UBE3B: variants seen among roughly 807,000 people sequenced by gnomAD.
UBE3B encodes ubiquitin-protein ligase E3B.
In UBE3B, 80 loss-of-function variants were observed where a neutral mutation model predicts 132.3. The ratio of observed to expected loss-of-function variants is 0.60; its 90% CI spans 0.50 to 0.73. The LOEUF (loss-of-function observed/expected upper bound fraction) is 0.73, where lower values mean the gene tolerates loss of function less well. UBE3B is among the 30% of genes least tolerant of loss of function. UBE3B has a pLI of 0.00. For synonymous variants in UBE3B, 487 were observed against 520.4 expected, an observed-to-expected ratio of 0.94 and a Z score of 0.87; for missense variants, 1,196 against 1,362.5, an observed-to-expected ratio of 0.88 and a Z score of 1.92.
At position 109,522,747 on chromosome 12, in the gene UBE3B, C is replaced by T. The variant is rs1008078715; in HGVS notation, c.2364+1196C>T. ...CTGGCCATGATGGAATCAGGTGGCCCATCTGAGCCCCTGCCCAAACACCAT... is the reference window on the plus strand; with the variant it reads ...CTGGCCATGATGGAATCAGGTGGCCTATCTGAGCCCCTGCCCAAACACCAT... On this transcript the variant is annotated intron_variant, in intron 21 of 27. Transcript: ENST00000342494. This position sits in a 1 kb window ranked among gnomAD's most constrained non-coding sequence, Gnocchi z 4.2. Among the ~76,000 whole-genome samples the T allele has an allele frequency of 6.6e-6, 1 of 152,210 alleles. No individual in the cohort carries two copies. The highest frequency in any genetic ancestry group is 2.4e-5 in the African/African-American group (1 of 41,448).
chr12:109,510,102 T>G (rs1749991950), intron 16 of UBE3B, among the ~76,000 whole-genome samples: 1 of 152,202 alleles, frequency 6.6e-6, no homozygotes, highest in African/African-American at 2.4e-5. Context: ...TCCTTAGACT[T>G]AAAAGGCCCT....
chr12:109,483,478 G>T, intron 2 of UBE3B, 53 bp from the exon 3 acceptor site: 2 of 1,495,400 alleles, frequency 1.3e-6, no homozygotes, highest in East Asian at 2.3e-5. Context: ...CCCTTTCTGT[G>T]TGTGTTTTTC....
intron 26 of UBE3B, 117 bp from the exon 27 acceptor site, chr12:109,533,349 A>G: frequency 1.0e-6 from 1 of 953,216 alleles, no homozygotes; most frequent in Non-Finnish European, 1.7e-6. Context: ...ACGGCTGGCT[A>G]GACAGCAGTT....
intron 3 of UBE3B, 53 bp from the exon 4 acceptor site, chr12:109,483,808 A>G (rs1875897506): frequency 1.3e-6 from 2 of 1,593,504 alleles, no homozygotes; most frequent in African/African-American, 1.4e-5. Context: ...AAAGCCTTCC[A>G]GGTGCTACAA....
At chr12:109,532,135 AC>A (rs1882996227) in intron 26 of UBE3B, among the ~76,000 whole-genome samples, 1 of 151,846 alleles carries the variant, frequency 6.6e-6, no homozygotes, top group African/African-American at 2.4e-5. Context: ...CCTTTCACCC[AC>A]CTGAATTTGC....
chr12:109,494,174 CTGTT>C (rs1877863652), intron 9 of UBE3B, among the ~76,000 whole-genome samples: 1 of 152,134 alleles, frequency 6.6e-6, no homozygotes, highest in South Asian at 2.1e-4. Flanking sequence ...AGAAGTTAAA[CTGTT>C]TGCTCTTGGT....
chr12:109,529,464 T>A (rs1882724656), intron 24 of UBE3B, among the ~76,000 whole-genome samples: 1 of 152,228 alleles, frequency 6.6e-6, no homozygotes, highest in Non-Finnish European at 1.5e-5. Flanking sequence ...ACAATTTTTT[T>A]CTATTTTAAA....
At chr12:109,527,437 T>G (rs1882472458) in intron 24 of UBE3B, among the ~76,000 whole-genome samples, 1 of 151,352 alleles carries the variant, frequency 6.6e-6, no homozygotes, top group African/African-American at 2.5e-5. Flanking sequence ...TCAGTCTCTT[T>G]AGTGACAAGT....
intron 10 of UBE3B, 132 bp downstream of exon 10, chr12:109,498,055 G>T: frequency 7.7e-7 from 1 of 1,293,256 alleles, no homozygotes; most frequent in Non-Finnish European, 1.1e-6. Flanking sequence ...ACCAGTGGCC[G>T]TGATAGACAC....
Position 109,491,056 on chromosome 12 carries a change from C to T in UBE3B, c.642C>T (p.Thr214=), listed in dbSNP as rs756125877. 2 of 1,613,674 alleles carry T rather than the reference C, an allele frequency of 1.2e-6. No individual in the cohort carries two copies. The highest frequency in any genetic ancestry group is 2.2e-5 in the East Asian group (1 of 44,876). Residue 214 remains threonine, a synonymous_variant, in exon 9 of 28, where the codon ACC becomes ACT. Transcript: ENST00000342494. ...GFYSVLQILL[T]RGLARPRPCL... ...AACATTCTTTTCAGATATTGTTAAC[C>T]CGTGGCCTGGCAAGACCCCGTCCTT...
At chr12:109,526,245 C>A in intron 23 of UBE3B, 113 bp from the exon 24 acceptor site, 2 of 1,058,274 alleles carry the variant, frequency 1.9e-6, no homozygotes, top group Non-Finnish European at 2.9e-6. Context: ...CAAGCATGTG[C>A]CATCTTAATT....
intron 15 of UBE3B, 70 bp from the exon 16 acceptor site, chr12:109,509,526 G>A: frequency 1.1e-6 from 1 of 900,302 alleles, no homozygotes; most frequent in South Asian, 1.6e-5. Context: ...TGTCTAGTAA[G>A]CAGTACAGAT....
At chr12:109,493,002 C>T (rs1295179262) in intron 9 of UBE3B, among the ~76,000 whole-genome samples, 1 of 152,158 alleles carries the variant, frequency 6.6e-6, no homozygotes, top group African/African-American at 2.4e-5. Flanking sequence ...AGACCACATG[C>T]CTCTAGAGGC....
chr12:109,517,744 A>AG (rs1281464464), intron 19 of UBE3B, among the ~76,000 whole-genome samples: 1 of 152,156 alleles, frequency 6.6e-6, no homozygotes, highest in Non-Finnish European at 1.5e-5. Context: ...CTCCAGCTGC[A>AG]GTTCCCCATG....
rs1305890239 is a variant in UBE3B, at chr12:109,534,419, T to C, written c.3016-172T>C. On this transcript the variant is annotated intron_variant, in intron 27 of 27. Transcript: ENST00000342494. This position sits in a 1 kb window ranked among gnomAD's most constrained non-coding sequence, Gnocchi z 5.2. The stretch of plus-strand genomic sequence containing the variant: ...AAGGGGTTCCTTCTCTGGAAGCCAG[T>C]CGTCTTGTGTCTGGGGCTTGACCTC... 2.1e-6 allele frequency: 3 copies of C among 1,417,466 alleles called. No homozygotes were observed. The East Asian group carries it at 8.0e-5, about 38-fold the overall frequency. The allele number at this position is 1,417,466 out of a possible 1,614,324, so 87.8% of individuals were successfully genotyped here.
At chr12:109,491,012 T>C (rs1166255615) in intron 8 of UBE3B, 33 bp from the exon 9 acceptor site, 8 of 1,602,424 alleles carry the variant, frequency 5.0e-6, no homozygotes, top group Non-Finnish European at 6.8e-6. Context: ...AAAGTTGATA[T>C]CATCCTCTGA....
At chr12:109,519,293 A>T (rs1881422766) in intron 19 of UBE3B, among the ~76,000 whole-genome samples, 1 of 152,180 alleles carries the variant, frequency 6.6e-6, no homozygotes, top group African/African-American at 2.4e-5. Flanking sequence ...GATGCAGTGA[A>T]GAAGAGGAAC....
At chr12:109,526,709 G>A (rs965702336) in intron 24 of UBE3B, among the ~76,000 whole-genome samples, 22 of 151,974 alleles carry the variant, frequency 1.4e-4, no homozygotes, top group African/African-American at 5.1e-4. Context: ...CGTCTCTACT[G>A]AAAATACAAA....
intron 23 of UBE3B, among the ~76,000 whole-genome samples, 196 bp from the exon 24 acceptor site, chr12:109,526,161 AC>A (rs1209295926): frequency 6.6e-6 from 1 of 152,156 alleles, no homozygotes; most frequent in Non-Finnish European, 1.5e-5. Context: ...TGAGAAAAAA[AC>A]CTTTTGTATT....
Sources: gnomAD v4.1 joint callset for allele counts (sites outside exome capture counted in the v4.1 genomes callset) on GRCh38, gnomAD v4.1.1 for gene constraint, Gnocchi (gnomAD v3.1) non-coding constraint, MANE v1.5 for transcripts, NCBI Gene and HGNC (gene_info 2026-07-23, HGNC 2026-07-21) for gene names.